The following PKIB variants were observed in gnomAD, a reference collection of about 807,000 sequenced individuals.
The protein encoded by PKIB is PKI-beta.
Under a neutral mutation model 4.5 loss-of-function variants are expected in PKIB, and 2 were observed. That is an observed-to-expected ratio of 0.44 (90% confidence interval 0.18 to 1.39). PKIB has a LOEUF of 1.39. PKIB is among the 40% of genes most tolerant of loss of function. The pLI is 0.27. For missense variants in PKIB, 94 were observed against 92.6 expected (o/e 1.02, Z -0.06); for synonymous variants, 38 against 36.0 (o/e 1.06, Z -0.20).
chr6:122,554,868 A>G (rs1223530211), intron 2 of PKIB, among the ~76,000 whole-genome samples: 1 of 152,238 alleles, frequency 6.6e-6, no homozygotes, highest in African/African-American at 2.4e-5. Flanking sequence ...TAGTAACTTT[A>G]GATAATTGCC....
intron 3 of PKIB, among the ~76,000 whole-genome samples, chr6:122,710,421 C>T (rs933607542): frequency 6.6e-6 from 1 of 152,038 alleles, no homozygotes; most frequent in Non-Finnish European, 1.5e-5. Flanking sequence ...ATTATTTTCC[C>T]ACTAGGGCAA....
intron 2 of PKIB, among the ~76,000 whole-genome samples, chr6:122,664,321 A>G (rs1361472036): frequency 6.6e-6 from 1 of 152,256 alleles, no homozygotes; most frequent in Non-Finnish European, 1.5e-5. Flanking sequence ...TCAGCTAGTT[A>G]TGAATGTCAT....
intron 2 of PKIB, among the ~76,000 whole-genome samples, chr6:122,563,336 G>A (rs555289315): frequency 3.3e-5 from 5 of 152,276 alleles, no homozygotes; most frequent in African/African-American, 7.2e-5. Flanking sequence ...TCTCTCAGCT[G>A]TGTGTCTCAG....
intron 2 of PKIB, among the ~76,000 whole-genome samples, chr6:122,574,779 C>G (rs1773478369): frequency 6.6e-6 from 1 of 152,136 alleles, no homozygotes; most frequent in African/African-American, 2.4e-5. Flanking sequence ...AATCTAAGAC[C>G]TAAAATCATA....
chr6:122,689,226 A>G (rs905537629), intron 3 of PKIB, among the ~76,000 whole-genome samples: 1 of 151,832 alleles, frequency 6.6e-6, no homozygotes, highest in African/African-American at 2.4e-5. Context: ...TTTTCGTTTT[A>G]TTGATCCTTT....
chr6:122,553,349 G>A (rs941450074), intron 2 of PKIB, among the ~76,000 whole-genome samples: 3 of 152,124 alleles, frequency 2.0e-5, no homozygotes, highest in East Asian at 3.9e-4. Flanking sequence ...TGCACCAACC[G>A]AATACTCAGT....
At chr6:122,704,184 T>C (rs1778958593) in intron 3 of PKIB, among the ~76,000 whole-genome samples, 1 of 152,090 alleles carries the variant, frequency 6.6e-6, no homozygotes, top group African/African-American at 2.4e-5. Context: ...ATTCTCCTTC[T>C]CTCTATCTTT....
chr6:122,559,290 AAT>A lies in PKIB; in HGVS notation c.-247-26620_-247-26619del, dbSNP rs145816147. 2.3e-3 allele frequency among the ~76,000 whole-genome samples: 341 copies of A among 150,922 alleles called. 8 individuals carry two copies. The East Asian group carries it at 0.043, about 19-fold the overall frequency. On this transcript the variant is annotated intron_variant, in intron 2 of 6. Transcript: ENST00000392491. The stretch of plus-strand genomic sequence containing the variant: ...AAAATAGATACATAATTATATATAT[AAT>A]ATATATATATGCCACTTTCCCCACT...
chr6:122,534,824 T>A (rs1777358982), intron 2 of PKIB, among the ~76,000 whole-genome samples: 1 of 152,128 alleles, frequency 6.6e-6, no homozygotes, highest in Non-Finnish European at 1.5e-5. Context: ...TCAGGAAGGG[T>A]AACTTTGAAT....
At chr6:122,710,661 T>C (rs1424914572) in intron 3 of PKIB, among the ~76,000 whole-genome samples, 1 of 152,190 alleles carries the variant, frequency 6.6e-6, no homozygotes, top group Non-Finnish European at 1.5e-5. Context: ...CTGCCTCCAC[T>C]GCTCACGTGG....
intron 2 of PKIB, among the ~76,000 whole-genome samples, chr6:122,530,476 T>C (rs1293046700): frequency 6.6e-6 from 1 of 152,178 alleles, no homozygotes; most frequent in Non-Finnish European, 1.5e-5. Context: ...GATTGTGCCA[T>C]GTTTTTTCTT....
At chr6:122,712,785 A>G (rs1042365708) in intron 3 of PKIB, among the ~76,000 whole-genome samples, 1 of 152,276 alleles carries the variant, frequency 6.6e-6, no homozygotes, top group Non-Finnish European at 1.5e-5. Context: ...TGGATCTACC[A>G]TTTTGCAATC....
At chr6:122,678,495 G>A (rs1304523623) in intron 3 of PKIB, among the ~76,000 whole-genome samples, 5 of 151,926 alleles carry the variant, frequency 3.3e-5, no homozygotes, top group African/African-American at 4.8e-5. Context: ...TTTAATAGTT[G>A]CATCTTTCTG....
At chr6:122,711,045 G>A (rs756945190) in intron 3 of PKIB, among the ~76,000 whole-genome samples, 2 of 152,046 alleles carry the variant, frequency 1.3e-5, no homozygotes, top group Non-Finnish European at 2.9e-5. Flanking sequence ...AGACAGTAGG[G>A]ATGCTTTGCT....
intron 2 of PKIB, among the ~76,000 whole-genome samples, chr6:122,510,243 A>G (rs1036805177): frequency 2.6e-5 from 4 of 152,174 alleles, no homozygotes; most frequent in Non-Finnish European, 5.9e-5. Context: ...AAAGATGAAT[A>G]ACATTGAATA....
intron 3 of PKIB, among the ~76,000 whole-genome samples, chr6:122,602,164 CATT>C (rs1774390004): frequency 6.6e-6 from 1 of 152,148 alleles, no homozygotes; most frequent in Non-Finnish European, 1.5e-5. Context: ...TATTCTCAGA[CATT>C]ATTATCTCCC....
chr6:122,529,486 A>G (rs1777189594), intron 2 of PKIB, among the ~76,000 whole-genome samples: 1 of 152,142 alleles, frequency 6.6e-6, no homozygotes, highest in African/African-American at 2.4e-5. Flanking sequence ...AAGTCACGAT[A>G]TTTGTCTATA....
intron 2 of PKIB, among the ~76,000 whole-genome samples, chr6:122,661,356 C>G (rs1489215333): frequency 1.3e-5 from 2 of 152,108 alleles, no homozygotes; most frequent in Non-Finnish European, 2.9e-5. Context: ...CCCTATTTCC[C>G]CCAAAGCCTA....
At chr6:122,613,398 A>G (rs1018397396) in intron 1 of PKIB, among the ~76,000 whole-genome samples, 2 of 152,188 alleles carry the variant, frequency 1.3e-5, no homozygotes, top group African/African-American at 2.4e-5. Context: ...AGCATATTCT[A>G]TTAGTAGATT....
Sources: allele counts gnomAD v4.1 joint callset (sites outside exome capture counted in the v4.1 genomes callset), GRCh38; gene constraint gnomAD v4.1.1; transcripts MANE v1.5; gene names NCBI Gene and HGNC (gene_info 2026-07-23, HGNC 2026-07-21).